The following OTOGL variants were observed in gnomAD, a reference collection of about 807,000 sequenced individuals.
OTOGL encodes otogelin like, also known as otogelin-like protein.
In OTOGL, 285 loss-of-function variants were observed where a neutral mutation model predicts 318.5. The observed-to-expected ratio is 0.89, with a 90% CI of 0.81 to 0.99. OTOGL has a LOEUF of 0.99. OTOGL is among the 50% of genes least tolerant of loss of function. The probability of loss-of-function intolerance (pLI) is 0.00; values close to 1 mark genes in which losing one functional copy is unlikely to be tolerated. For missense variants in OTOGL, 2,899 were observed against 2,845.6 expected (o/e 1.02, Z -0.43); for synonymous variants, 987 against 936.5 (o/e 1.05, Z -0.99).
At chr12:80,254,967 A>T (rs140252584) in intron 15 of OTOGL, 73 bp from the exon 16 acceptor site, 2 of 1,196,222 alleles carry the variant, frequency 1.7e-6, no homozygotes, top group Non-Finnish European at 2.2e-6. Flanking sequence ...ACCTAATGGT[A>T]TCATCCTCCT....
chr12:80,145,768 C>G (rs1210563737), intron 1 of OTOGL, among the ~76,000 whole-genome samples: 5 of 151,808 alleles, frequency 3.3e-5, no homozygotes, highest in Non-Finnish European at 7.3e-5. Context: ...TGAAGAAGTC[C>G]TTCACATCCT....
At position 80,266,517 on chromosome 12, in the gene OTOGL, C is replaced by A. The variant is rs745816228; in HGVS notation, c.2291C>A (p.Ser764Tyr). ...CSSFCLHSCI[S>Y]LSSPEQCSDD... is the part of the protein sequence containing the mutation. ...TCGTTCTGCCTCCATTCCTGCATTT[C>A]TCTCTCTTCCCCGGAGCAGTGCAGT... The change falls in exon 21 of 59, where the codon TCT becomes TAT. Residue 764 changes from serine (S) to tyrosine (Y), a missense_variant. This residue lies in a region of OTOGL where 2,607 missense variants were observed against 2,524.9 expected (regional missense o/e 1.03). Coordinates refer to ENST00000547103, the MANE Select transcript of OTOGL (RefSeq NM_001378609.3). 3 of 1,613,536 alleles carry A rather than the reference C, an allele frequency of 1.9e-6. No individual in the cohort carries two copies. Among genetic ancestry groups the A allele is most frequent in the Non-Finnish European group, 1.7e-6 (2 of 1,179,674 alleles).
intron 18 of OTOGL, among the ~76,000 whole-genome samples, chr12:80,258,431 C>T (rs1321062700): frequency 6.6e-6 from 1 of 152,092 alleles, no homozygotes; most frequent in East Asian, 1.9e-4. Flanking sequence ...AGTAAATACT[C>T]TATAAATATT....
intron 1 of OTOGL, among the ~76,000 whole-genome samples, chr12:80,105,660 T>G (rs1422093496): frequency 6.6e-6 from 1 of 152,232 alleles, no homozygotes; most frequent in Non-Finnish European, 1.5e-5. Flanking sequence ...TGAACCTTAA[T>G]GTTAATACAA....
At chr12:80,362,993 C>T (rs1286556513) in intron 52 of OTOGL, among the ~76,000 whole-genome samples, 1 of 151,962 alleles carries the variant, frequency 6.6e-6, no homozygotes, top group Admixed American at 6.6e-5. Context: ...GAGTCTGTCT[C>T]TGTTGCTTAG....
At chr12:80,252,905 C>T (rs1881699136) in intron 13 of OTOGL, among the ~76,000 whole-genome samples, 1 of 152,156 alleles carries the variant, frequency 6.6e-6, no homozygotes, top group African/African-American at 2.4e-5. Context: ...TAAGCCCAAG[C>T]ACCAAAATAA....
At position 80,265,023 on chromosome 12, in the gene OTOGL, T is replaced by A; in HGVS notation, c.2037T>A (p.Asp679Glu). Residue 679 changes from aspartate to glutamate, a missense_variant, in exon 20 of 59, where the codon GAT (aspartate) becomes GAA (glutamate). By Grantham distance (45) the Asp-to-Glu change is conservative. Coordinates refer to ENST00000547103, the MANE Select transcript of OTOGL (RefSeq NM_001378609.3). ...QQNIGYAAHC[D>E]VIHQELFAPC... is the part of the protein sequence containing the mutation. ...TAGTTGGGTATGCAGCACACTGTGATGTCATCCACCAGGAGCTCTTTGCTC... is the reference window on the plus strand; with the variant it reads ...TAGTTGGGTATGCAGCACACTGTGAAGTCATCCACCAGGAGCTCTTTGCTC... 2 of 1,613,918 alleles carry A rather than the reference T, an allele frequency of 1.2e-6. No individual in the cohort carries two copies. The highest frequency in any genetic ancestry group is 1.7e-6 in the Non-Finnish European group (2 of 1,179,836).
rs201693808 is a variant in OTOGL, at chr12:80,185,290, AT to A, written c.-19-24113del. Among the ~76,000 whole-genome samples the A allele has an allele frequency of 1.1e-3, 169 of 150,314 alleles. 2 individuals are homozygous for A. The East Asian group carries it at 0.026, about 23-fold the overall frequency. On this transcript the variant is annotated intron_variant, in intron 1 of 58. Transcript: ENST00000547103. ...GTAAGTTCTGCTATATTATAAATTAATTTTTTTTTTGAGAAGGAGTCTCCCT... is the reference window on the plus strand; with the variant it reads ...GTAAGTTCTGCTATATTATAAATTAATTTTTTTTTGAGAAGGAGTCTCCCT...
At position 80,355,816 on chromosome 12, in the gene OTOGL, T is replaced by A; in HGVS notation, c.5674T>A (p.Cys1892Ser). Residue 1892 changes from cysteine to serine, a missense_variant, in exon 47 of 59, where the codon TGT (cysteine) becomes AGT (serine). Transcript: ENST00000547103. ...GGIDECTLYK[C>S]LENGSIIPIE... ...CATTGATGAATGCACTCTATACAAA[T>A]GTTTGGAGAATGGAAGCATTATCCC... 6.2e-7 allele frequency: 1 copy of A among 1,613,930 alleles called. No individual in the cohort carries two copies. Among genetic ancestry groups the A allele is most frequent in the South Asian group, 1.1e-5 (1 of 91,082 alleles).
At chr12:80,232,858 T>A in intron 8 of OTOGL, 34 bp from the exon 9 acceptor site, 2 of 1,516,208 alleles carry the variant, frequency 1.3e-6, no homozygotes, top group South Asian at 1.1e-5. Context: ...GACTTTATCA[T>A]CATTCTTAGA....
chr12:80,314,646 A>T (rs1886857787), intron 32 of OTOGL, among the ~76,000 whole-genome samples: 1 of 152,206 alleles, frequency 6.6e-6, no homozygotes, highest in African/African-American at 2.4e-5. Context: ...TGAAAGATCT[A>T]TAACAAATGC....
chr12:80,332,527 G>T (rs779796282), intron 37 of OTOGL, among the ~76,000 whole-genome samples: 4 of 152,088 alleles, frequency 2.6e-5, no homozygotes, highest in African/African-American at 7.2e-5. Flanking sequence ...ATCAACTAGG[G>T]CTTCCACATG....
Position 80,336,563 on chromosome 12 carries a change from A to T in OTOGL, c.4743+8A>T. The T allele has an allele frequency of 6.2e-7, 1 of 1,601,410 alleles. No homozygotes were observed. ...AAATGTTCCATGAATCAGGTGGGTCATAATTTATTTTTGCAGTCATTTCAT... is the reference window on the plus strand; with the variant it reads ...AAATGTTCCATGAATCAGGTGGGTCTTAATTTATTTTTGCAGTCATTTCAT... On this transcript the variant is annotated splice_region_variant and intron_variant, in intron 40 of 58. Transcript: ENST00000547103.
Position 80,356,789 on chromosome 12 carries a change from G to A in OTOGL, c.5912-18G>A. 1 of 1,501,780 alleles carries A rather than the reference G, an allele frequency of 6.7e-7. No homozygotes were observed. Among genetic ancestry groups the A allele is most frequent in the Non-Finnish European group, 9.1e-7 (1 of 1,100,728 alleles). The allele number at this position is 1,501,780 out of a possible 1,614,324, so 93.0% of individuals were successfully genotyped here. A position where few individuals can be genotyped will look rare whatever the true frequency, so the allele number is the denominator to read the frequency against. On this transcript the variant is annotated intron_variant, in intron 48 of 58. Transcript: ENST00000547103. ...TATTATGCTATACAAATTTTCTAAT[G>A]TAATTTTGTTTCTGCAGAATGTGAC...
chr12:80,234,949 A>G (rs1256634818), intron 9 of OTOGL, among the ~76,000 whole-genome samples: 2 of 152,188 alleles, frequency 1.3e-5, no homozygotes, highest in Non-Finnish European at 2.9e-5. Context: ...ATACAAATGT[A>G]TAGTACTGGG....
intron 44 of OTOGL, among the ~76,000 whole-genome samples, chr12:80,350,905 T>C (rs144952864): frequency 4.6e-5 from 7 of 152,322 alleles, no homozygotes; most frequent in African/African-American, 1.7e-4. Flanking sequence ...ACTTTTATTT[T>C]GATGCAATCC....
intron 20 of OTOGL, 77 bp from the exon 21 acceptor site, chr12:80,266,374 C>T: frequency 2.1e-6 from 3 of 1,455,746 alleles, no homozygotes. Context: ...CATTTTCTAT[C>T]ATAGACCTCT....
chr12:80,276,822 A>G lies in OTOGL; in HGVS notation c.2682-1346A>G, dbSNP rs553173769. Among the ~76,000 whole-genome samples the G allele has an allele frequency of 5.9e-5, 9 of 151,760 alleles. No homozygotes were observed. In the South Asian group the frequency reaches 1.7e-3, roughly 28 times the overall value. On this transcript the variant is annotated intron_variant, in intron 24 of 58. Transcript: ENST00000547103. The stretch of plus-strand genomic sequence containing the variant: ...TGTGTGACATGAACATAAACAAGAT[A>G]TTTATGGTCCTCTCAAGTGAAGCTG...
chr12:80,265,867 C>T (rs1882917459), intron 20 of OTOGL: 1 of 152,692 alleles, frequency 6.5e-6, no homozygotes. Context: ...CTTTCTAAGA[C>T]AAAAATAGTG....
Sources: allele counts gnomAD v4.1 joint callset (sites outside exome capture counted in the v4.1 genomes callset), GRCh38; gene constraint gnomAD v4.1.1; regional missense constraint gnomAD v4.1.1; transcripts MANE v1.5; gene names NCBI Gene and HGNC (gene_info 2026-07-23, HGNC 2026-07-21).